The following RNF150 variants were observed in gnomAD, a reference collection of about 807,000 sequenced individuals.
RNF150 encodes ring finger protein 150.
RNF150 carries 24 observed loss-of-function variants against 39.3 expected under a neutral mutation model. The observed-to-expected ratio is 0.61, with a 90% CI of 0.44 to 0.86. RNF150 has a LOEUF of 0.86. RNF150 is among the 40% of genes least tolerant of loss of function. RNF150 has a pLI of 0.00. For missense variants in RNF150, 502 were observed against 587.8 expected, an observed-to-expected ratio of 0.85 and a Z score of 1.51; for synonymous variants, 255 against 227.3, an observed-to-expected ratio of 1.12 and a Z score of -1.10.
intron 1 of RNF150, among the ~76,000 whole-genome samples, chr4:141,111,028 T>A (rs1456813770): frequency 1.3e-5 from 2 of 151,936 alleles, no homozygotes; most frequent in African/African-American, 4.8e-5. Context: ...ATCTGGTAAA[T>A]CATCTGAAGA....
At chr4:141,196,810 C>T (rs916020804) in intron 1 of RNF150, among the ~76,000 whole-genome samples, 1 of 152,116 alleles carries the variant, frequency 6.6e-6, no homozygotes, top group African/African-American at 2.4e-5. Flanking sequence ...CTCACCCTTC[C>T]CCTGCCTCAG....
At chr4:141,025,425 GT>G (rs1560695033) in intron 1 of RNF150, among the ~76,000 whole-genome samples, 1 of 152,020 alleles carries the variant, frequency 6.6e-6, no homozygotes, top group East Asian at 1.9e-4. Flanking sequence ...TAAGAATTAT[GT>G]TGAAATAAGA....
chr4:140,941,394 C>T (rs1732077802), intron 4 of RNF150, among the ~76,000 whole-genome samples: 1 of 152,126 alleles, frequency 6.6e-6, no homozygotes, highest in African/African-American at 2.4e-5. Flanking sequence ...ACCAGCCAAC[C>T]CAAATCTCTT....
chr4:141,011,812 A>C (rs1343965194), intron 1 of RNF150, among the ~76,000 whole-genome samples: 1 of 152,238 alleles, frequency 6.6e-6, no homozygotes, highest in Non-Finnish European at 1.5e-5. Flanking sequence ...AATATAAGTG[A>C]CTTTCATTCA....
intron 1 of RNF150, among the ~76,000 whole-genome samples, chr4:141,007,034 C>T (rs1450255614): frequency 6.6e-6 from 1 of 152,146 alleles, no homozygotes; most frequent in Non-Finnish European, 1.5e-5. Flanking sequence ...AAAGGCATTT[C>T]AAAATTTTCA....
In RNF150 at chr4:141,173,034, G is replaced by GA. The variant is rs113078427; in HGVS notation, c.-6+39759dup. 2.7e-3 allele frequency among the ~76,000 whole-genome samples: 385 copies of GA among 140,712 alleles called. 2 individuals carry two copies. The highest frequency in any genetic ancestry group is 8.7e-3 in the African/African-American group (337 of 38,544). The allele number at this position is 140,712 out of a possible 152,430, so 92.3% of individuals were successfully genotyped here. A position where few individuals can be genotyped will look rare whatever the true frequency, so the allele number is the denominator to read the frequency against. On this transcript the variant is annotated intron_variant, in intron 1 of 7. Transcript: ENST00000420921. ...AGAGTGAAACTCCGTCTTAAAAAAA[G>GA]AAAAAAAAAAAGAAAACTAGGATAT...
rs565351662 is a variant in RNF150, at chr4:141,031,335, C to T, written c.485-63462G>A. Among the ~76,000 whole-genome samples the T allele has an allele frequency of 3.1e-4, 47 of 152,030 alleles. No individual in the cohort carries two copies. In the East Asian group the frequency reaches 3.1e-3, roughly 10 times the overall value. On this transcript the variant is annotated intron_variant, in intron 1 of 6. Coordinates refer to ENST00000515673, the MANE Select transcript of RNF150 (RefSeq NM_020724.2). ...AAAACATGGGGAAAACTTCATGACA[C>T]TGGTCTGGGCAAATTTTTTTTGGGT...
intron 1 of RNF150, among the ~76,000 whole-genome samples, chr4:140,974,591 G>C (rs1185897717): frequency 6.6e-6 from 1 of 152,162 alleles, no homozygotes; most frequent in Non-Finnish European, 1.5e-5. Context: ...GTTTTCCAGA[G>C]TGGCTGTATC....
intron 2 of RNF150, among the ~76,000 whole-genome samples, chr4:140,955,006 C>T (rs1014328623): frequency 6.6e-6 from 1 of 152,178 alleles, no homozygotes; most frequent in Admixed American, 6.5e-5. Context: ...GGAAAGATAA[C>T]TAAGTGTTCT....
chr4:141,109,330 G>C (rs775190648), intron 1 of RNF150, among the ~76,000 whole-genome samples: 5 of 151,966 alleles, frequency 3.3e-5, no homozygotes, highest in Non-Finnish European at 5.9e-5. Flanking sequence ...CATACTCTGA[G>C]TATCTCCTTT....
At chr4:141,095,830 G>C (rs867164702) in intron 1 of RNF150, among the ~76,000 whole-genome samples, 21 of 152,130 alleles carry the variant, frequency 1.4e-4, no homozygotes, top group African/African-American at 5.1e-4. Flanking sequence ...GGAATCCAGG[G>C]GTTGCTAATG....
intron 1 of RNF150, among the ~76,000 whole-genome samples, chr4:140,992,992 G>T (rs539743010): frequency 6.6e-6 from 1 of 152,062 alleles, no homozygotes; most frequent in Admixed American, 6.6e-5. Context: ...AGGATCCACA[G>T]GAGAGGACGG....
At chr4:141,000,444 A>G (rs894806515) in intron 1 of RNF150, among the ~76,000 whole-genome samples, 2 of 152,196 alleles carry the variant, frequency 1.3e-5, no homozygotes, top group African/African-American at 2.4e-5. Context: ...TTTCCCCCTG[A>G]GTCATTATCA....
intron 1 of RNF150, among the ~76,000 whole-genome samples, chr4:141,025,821 T>C (rs1052468014): frequency 1.6e-4 from 24 of 152,138 alleles, no homozygotes; most frequent in African/African-American, 5.3e-4. Flanking sequence ...AGCATGAAGA[T>C]AGGAAAGAGG....
intron 1 of RNF150, among the ~76,000 whole-genome samples, chr4:141,186,152 A>G (rs1008996675): frequency 2.0e-5 from 3 of 152,202 alleles, no homozygotes; most frequent in African/African-American, 7.2e-5. Flanking sequence ...CTGGGAATCC[A>G]TCTGGTCCTG....
chr4:141,039,994 A>C (rs559824667), intron 1 of RNF150, among the ~76,000 whole-genome samples: 1 of 152,242 alleles, frequency 6.6e-6, no homozygotes, highest in South Asian at 2.1e-4. Context: ...AACCCTAGAA[A>C]ATGAACCCAC....
intron 1 of RNF150, among the ~76,000 whole-genome samples, chr4:141,062,860 C>T (rs1737292942): frequency 6.6e-6 from 1 of 152,110 alleles, no homozygotes. Context: ...GCCCCAGTGT[C>T]CACTGTTCCC....
At chr4:140,947,833 G>A (rs1026159553) in intron 3 of RNF150, 97 bp from the exon 4 acceptor site, 1 of 739,148 alleles carries the variant, frequency 1.4e-6, no homozygotes, top group Non-Finnish European at 2.2e-6. Flanking sequence ...CTGGAGCAAA[G>A]CTTTCCGCTG....
intron 1 of RNF150, among the ~76,000 whole-genome samples, chr4:141,020,958 C>G (rs1735468384): frequency 6.6e-6 from 1 of 152,088 alleles, no homozygotes; most frequent in African/African-American, 2.4e-5. Flanking sequence ...AGATTTTATT[C>G]AGGACTACTG....
Sources: gnomAD v4.1 joint callset for allele counts (sites outside exome capture counted in the v4.1 genomes callset) on GRCh38, gnomAD v4.1.1 for gene constraint, MANE v1.5 for transcripts, NCBI Gene and HGNC (gene_info 2026-07-23, HGNC 2026-07-21) for gene names.